The following RIMKLB variants were observed in gnomAD, a reference collection of about 807,000 sequenced individuals.
The protein encoded by RIMKLB is beta-citrylglutamate synthase B.
In RIMKLB, 7 loss-of-function variants were observed where a neutral mutation model predicts 32.0. The observed-to-expected ratio is 0.22, with a 90% CI of 0.12 to 0.41. RIMKLB has a LOEUF of 0.41. RIMKLB is among the 10% of genes least tolerant of loss of function. The pLI is 1.00. For synonymous variants in RIMKLB, 172 were observed against 185.1 expected (o/e 0.93, Z 0.57); for missense variants, 289 against 498.7 (o/e 0.58, Z 4.00).
chr12:8,711,227 C>T (rs1348774340), intron 1 of RIMKLB, among the ~76,000 whole-genome samples: 3 of 149,540 alleles, frequency 2.0e-5, no homozygotes, highest in African/African-American at 7.6e-5. Flanking sequence ...GAGCAAGACT[C>T]CATCTCAAGG....
chr12:8,715,234 T>C (rs1411183805), intron 2 of RIMKLB, among the ~76,000 whole-genome samples: 1 of 149,816 alleles, frequency 6.7e-6, no homozygotes, highest in African/African-American at 2.5e-5. Context: ...TGTTCTTTTT[T>C]TTTTTTTTTT....
At chr12:8,738,250 C>T (rs2137436566) in intron 2 of RIMKLB, among the ~76,000 whole-genome samples, 1 of 152,222 alleles carries the variant, frequency 6.6e-6, no homozygotes, top group African/African-American at 2.4e-5. Context: ...GCTATGTTGC[C>T]TAGCCTACCT....
intron 1 of RIMKLB, among the ~76,000 whole-genome samples, chr12:8,698,522 C>T (rs78241246): frequency 0.24 from 36,716 of 151,926 alleles, 4,698 homozygotes; most frequent in Non-Finnish European, 0.27. Context: ...GCGCGTGTGC[C>T]GGGAGGCGCC....
intron 1 of RIMKLB, among the ~76,000 whole-genome samples, chr12:8,704,445 A>G (rs1296260043): frequency 2.0e-5 from 3 of 152,160 alleles, no homozygotes; most frequent in Non-Finnish European, 4.4e-5. Flanking sequence ...TCACTTAAAC[A>G]TGCTTATTTG....
At chr12:8,669,857 C>T in the RIMKLB span, among the ~76,000 whole-genome samples, 1 of 151,594 alleles carries the variant, frequency 6.6e-6, no homozygotes, top group African/African-American at 2.4e-5. Flanking sequence ...GAAACCCCGT[C>T]TCTACTAAAA....
intron 2 of RIMKLB, 128 bp downstream of exon 2, chr12:8,714,169 T>C (rs1243488443): frequency 1.5e-6 from 1 of 676,938 alleles, no homozygotes; most frequent in Non-Finnish European, 2.5e-6. Flanking sequence ...AATTATAAGG[T>C]CTAATATATT....
At chr12:8,750,285 G>T (rs973667897) in intron 3 of RIMKLB, among the ~76,000 whole-genome samples, 193 bp downstream of exon 3, 5 of 152,098 alleles carry the variant, frequency 3.3e-5, no homozygotes, top group Admixed American at 6.5e-5. Flanking sequence ...AACTTTTTCT[G>T]TAAAGGGCAA....
At chr12:8,738,030 TA>T (rs1947178853) in intron 2 of RIMKLB, among the ~76,000 whole-genome samples, 1 of 152,170 alleles carries the variant, frequency 6.6e-6, no homozygotes, top group Admixed American at 6.6e-5. Flanking sequence ...TTTTCTCTAT[TA>T]TCTTCTGGAT....
chr12:8,735,654 C>G (rs867874529), intron 2 of RIMKLB, among the ~76,000 whole-genome samples: 2 of 151,376 alleles, frequency 1.3e-5, no homozygotes, highest in African/African-American at 4.9e-5. Context: ...ATTCACTGAA[C>G]TTTTGCCTGT....
chr12:8,697,883 G>C (rs1160098528), upstream of RIMKLB: 1 of 146,924 alleles, frequency 6.8e-6, no homozygotes, highest in Non-Finnish European at 1.5e-5. Context: ...GCGGGGCCGG[G>C]GCGCGCGCCG....
In RIMKLB at chr12:8,762,775, A is replaced by G. The variant is rs1283677027; in HGVS notation, c.697+8682A>G. Among the ~76,000 whole-genome samples the G allele has an allele frequency of 3.3e-5, 5 of 152,260 alleles. No individual in the cohort carries two copies. In the South Asian group the frequency reaches 8.3e-4, roughly 25 times the overall value. On this transcript the variant is annotated intron_variant, in intron 5 of 5. Transcript: ENST00000535829. ...TGAGGGGGTTACTTTGAAGTATTCC[A>G]TTATCACTGAGCACTGCGTACCCTG... is the stretch of plus-strand genomic sequence containing the variant.
rs758763226 is a variant in RIMKLB, at chr12:8,727,483, C to T, written c.175+13442C>T. Among the ~76,000 whole-genome samples the T allele has an allele frequency of 1.1e-4, 16 of 152,296 alleles. No individual in the cohort carries two copies. The East Asian group carries it at 1.2e-3, about 11-fold the overall frequency. The stretch of plus-strand genomic sequence containing the variant: ...TGAACTCAACCTCAGGTAATCCACC[C>T]GCCTCGGCCTCCCAGAGTGCTGGGA... On this transcript the variant is annotated intron_variant, in intron 2 of 5. Coordinates refer to ENST00000535829, the MANE Select transcript of RIMKLB (RefSeq NM_001297776.2).
At chr12:8,765,888 C>A (rs557428234) in intron 5 of RIMKLB, among the ~76,000 whole-genome samples, 19 of 152,178 alleles carry the variant, frequency 1.2e-4, no homozygotes, top group Non-Finnish European at 2.2e-4. Flanking sequence ...CACTTCACTC[C>A]ATTTGCCTCT....
intron 5 of RIMKLB, among the ~76,000 whole-genome samples, chr12:8,766,094 TG>T (rs900710438): frequency 6.6e-6 from 1 of 151,922 alleles, no homozygotes; most frequent in African/African-American, 2.4e-5. Flanking sequence ...TACTTTGCCT[TG>T]GGGGGAATGT....
intron 2 of RIMKLB, among the ~76,000 whole-genome samples, chr12:8,741,608 A>G (rs1211128432): frequency 6.6e-6 from 1 of 151,166 alleles, no homozygotes; most frequent in African/African-American, 2.4e-5. Context: ...TGAAAACCCC[A>G]TCTCTACTAA....
At chr12:8,676,199 A>G in the RIMKLB span, among the ~76,000 whole-genome samples, 1 of 151,536 alleles carries the variant, frequency 6.6e-6, no homozygotes, top group African/African-American at 2.4e-5. Context: ...CAGCTCTCCC[A>G]GTAGCTGGGA....
intron 2 of RIMKLB, among the ~76,000 whole-genome samples, chr12:8,724,321 C>G (rs1945771448): frequency 6.6e-6 from 1 of 151,992 alleles, no homozygotes; most frequent in Admixed American, 6.5e-5. Context: ...TCTTCCTGAT[C>G]TTGTTTATCT....
intron 3 of RIMKLB, 113 bp downstream of exon 3, chr12:8,750,205 C>T (rs1233645149): frequency 6.6e-6 from 4 of 608,874 alleles, no homozygotes; most frequent in Non-Finnish European, 8.9e-6. Context: ...AGTTTTAACA[C>T]ACTGGACAGG....
At chr12:8,671,884 C>A in the RIMKLB span, among the ~76,000 whole-genome samples, 1 of 151,454 alleles carries the variant, frequency 6.6e-6, no homozygotes, top group Admixed American at 6.6e-5. Context: ...TGCACTCCAG[C>A]CTGGGTGACA....
Sources: gnomAD v4.1 joint callset for allele counts (sites outside exome capture counted in the v4.1 genomes callset) on GRCh38, gnomAD v4.1.1 for gene constraint, MANE v1.5 for transcripts, NCBI Gene and HGNC (gene_info 2026-07-23, HGNC 2026-07-21) for gene names.